Variants in LRMDA observed in about 807,000 individuals in gnomAD.
LRMDA encodes leucine-rich melanocyte differentiation-associated protein.
In LRMDA, 18 loss-of-function variants were observed where a neutral mutation model predicts 29.8. That is an observed-to-expected ratio of 0.60 (90% CI 0.42 to 0.90). The LOEUF (loss-of-function observed/expected upper bound fraction) is 0.90. Ranked by LOEUF, LRMDA falls within the 40% of genes least tolerant of loss-of-function variation. The probability of loss-of-function intolerance (pLI) is 0.00; values close to 1 mark genes in which losing one functional copy is unlikely to be tolerated. For synonymous variants in LRMDA, 125 were observed against 109.4 expected (o/e 1.14, Z -0.89); for missense variants, 273 against 273.9 (o/e 1.00, Z 0.02).
chr10:76,185,087 T>G (rs571722360), intron 5 of LRMDA, among the ~76,000 whole-genome samples: 63 of 152,310 alleles, frequency 4.1e-4, no homozygotes, highest in African/African-American at 1.5e-3. Flanking sequence ...GTATATCTCA[T>G]GTATTAAAAA....
chr10:76,035,944 C>A, intron 2 of LRMDA, 64 bp from the exon 3 acceptor site: 2 of 1,492,142 alleles, frequency 1.3e-6, no homozygotes, highest in South Asian at 1.3e-5. Context: ...ATATTTATTT[C>A]GGCTCATAAT....
intron 5 of LRMDA, among the ~76,000 whole-genome samples, chr10:76,191,473 T>G (rs1391778256): frequency 1.3e-5 from 2 of 152,188 alleles, no homozygotes; most frequent in Admixed American, 6.5e-5. Context: ...CCTCAGCCCC[T>G]GATAAGAGGC....
At chr10:75,754,232 T>G (rs919299136) in intron 2 of LRMDA, among the ~76,000 whole-genome samples, 4 of 152,148 alleles carry the variant, frequency 2.6e-5, no homozygotes, top group Admixed American at 1.3e-4. Context: ...GAAGAGGTGG[T>G]TTTATAGGGG....
intron 6 of LRMDA, among the ~76,000 whole-genome samples, chr10:76,471,299 C>T (rs1243622494): frequency 6.6e-6 from 1 of 151,330 alleles, no homozygotes; most frequent in Non-Finnish European, 1.5e-5. Context: ...ACAATATTAG[C>T]ACAAAAGGAG....
intron 2 of LRMDA, among the ~76,000 whole-genome samples, chr10:75,604,567 GTT>G (rs1395759553): frequency 3.3e-5 from 5 of 152,130 alleles, no homozygotes; most frequent in Non-Finnish European, 2.9e-5. Context: ...GCTTACACAA[GTT>G]TATGGTATTG....
intron 2 of LRMDA, among the ~76,000 whole-genome samples, chr10:75,862,463 C>A (rs1264712758): frequency 2.6e-5 from 4 of 152,070 alleles, no homozygotes; most frequent in Non-Finnish European, 5.9e-5. Flanking sequence ...CCAGAAGAGG[C>A]CATGAGGGGA....
rs763131026 is a variant in LRMDA at position 75,431,774 on chromosome 10, G to A, written c.30+20G>A. 1 of 1,358,504 alleles carries A rather than the reference G, an allele frequency of 7.4e-7. No individual in the cohort carries two copies. The highest frequency in any genetic ancestry group is 1.9e-5 in the South Asian group (1 of 53,420). The allele number at this position is 1,358,504 out of a possible 1,614,324, so 84.2% of individuals were successfully genotyped here. On this transcript the variant is annotated intron_variant, in intron 1 of 6. Coordinates refer to ENST00000611255, the MANE Select transcript of LRMDA (RefSeq NM_001305581.2). Reference sequence around the variant, plus strand: ...ACTCAAGTAAGTCCCGGCCAGCCCCGCCTCCGCCCGGGGCGCAGTCCGCGT... The same window carrying A: ...ACTCAAGTAAGTCCCGGCCAGCCCCACCTCCGCCCGGGGCGCAGTCCGCGT...
chr10:76,235,673 C>A (rs2132277549), intron 5 of LRMDA, among the ~76,000 whole-genome samples: 1 of 152,202 alleles, frequency 6.6e-6, no homozygotes, highest in Admixed American at 6.5e-5. Context: ...GGAGGGAATT[C>A]ATGACTATTG....
At chr10:76,510,555 G>GAA (rs1843000752) in intron 6 of LRMDA, among the ~76,000 whole-genome samples, 1 of 152,178 alleles carries the variant, frequency 6.6e-6, no homozygotes, top group Non-Finnish European at 1.5e-5. Flanking sequence ...GAGATCAGAA[G>GAA]AACCTCGGAC....
intron 2 of LRMDA, among the ~76,000 whole-genome samples, chr10:75,464,434 G>A (rs1844627169): frequency 6.6e-6 from 1 of 152,202 alleles, no homozygotes; most frequent in South Asian, 2.1e-4. Flanking sequence ...AAGCACACAT[G>A]TTAGCTGTAT....
chr10:75,871,639 T>C (rs1845112724), intron 2 of LRMDA, among the ~76,000 whole-genome samples: 1 of 152,144 alleles, frequency 6.6e-6, no homozygotes, highest in African/African-American at 2.4e-5. Context: ...CCTCTCAGGC[T>C]CCACTTTCAG....
intron 6 of LRMDA, among the ~76,000 whole-genome samples, chr10:76,351,821 C>T (rs1179804684): frequency 6.6e-6 from 1 of 152,046 alleles, no homozygotes; most frequent in Non-Finnish European, 1.5e-5. Context: ...AGAAACAGAA[C>T]TCACTAGGCC....
intron 1 of LRMDA, among the ~76,000 whole-genome samples, chr10:75,438,050 C>T (rs1385748130): frequency 3.3e-5 from 5 of 152,162 alleles, no homozygotes; most frequent in South Asian, 2.1e-4. Context: ...GCAACTGTTG[C>T]AAAAGCCCCT....
At chr10:76,557,125 C>G in intron 6 of LRMDA, 84 bp from the exon 7 acceptor site, 1 of 1,073,482 alleles carries the variant, frequency 9.3e-7, no homozygotes, top group Non-Finnish European at 1.4e-6. Context: ...CTATGATTAT[C>G]TTGCATGTCT....
At chr10:75,467,956 TCA>T (rs61295526) in intron 2 of LRMDA, among the ~76,000 whole-genome samples, 9,353 of 129,774 alleles carry the variant, frequency 0.072, 350 homozygotes, top group East Asian at 0.12. Context: ...TGAGACTCCG[TCA>T]CACACACACA....
intron 5 of LRMDA, among the ~76,000 whole-genome samples, chr10:76,140,227 CA>C: frequency 6.6e-6 from 1 of 152,118 alleles, no homozygotes; most frequent in East Asian, 1.9e-4. Context: ...GGGAAATTTA[CA>C]TCTCTCAAGG....
At chr10:75,679,881 T>C (rs1368121905) in intron 2 of LRMDA, among the ~76,000 whole-genome samples, 1 of 152,178 alleles carries the variant, frequency 6.6e-6, no homozygotes, top group Non-Finnish European at 1.5e-5. Context: ...GTTATTTGGA[T>C]GTTTTTAATT....
chr10:76,419,094 C>G (rs1045314214), intron 6 of LRMDA, among the ~76,000 whole-genome samples: 4 of 152,076 alleles, frequency 2.6e-5, no homozygotes, highest in Admixed American at 2.0e-4. Context: ...ATTATTATCA[C>G]CCAAAGTCCA....
intron 2 of LRMDA, among the ~76,000 whole-genome samples, chr10:75,618,390 A>G (rs902420931): frequency 7.2e-6 from 1 of 137,968 alleles, no homozygotes; most frequent in Non-Finnish European, 1.5e-5. Context: ...CTCTATATAT[A>G]TATATATATA....
Sources: allele counts gnomAD v4.1 joint callset (sites outside exome capture counted in the v4.1 genomes callset), GRCh38; gene constraint gnomAD v4.1.1; transcripts MANE v1.5; gene names NCBI Gene and HGNC (gene_info 2026-07-23, HGNC 2026-07-21).